CSTF1: variants seen among roughly 807,000 people sequenced by gnomAD.
CSTF1 encodes CF-1 50 kDa subunit.
Under a neutral mutation model 40.9 loss-of-function variants are expected in CSTF1, and 2 were observed. The observed-to-expected ratio is 0.05, with a 90% confidence interval of 0.02 to 0.15. The LOEUF (loss-of-function observed/expected upper bound fraction) is 0.15, where lower values mean the gene tolerates loss of function less well. Among genes scored for constraint, CSTF1 ranks in the 10% least tolerant of loss-of-function variants. The pLI is 1.00. For synonymous variants in CSTF1, 218 were observed against 207.2 expected (o/e 1.05, Z -0.45); for missense variants, 279 against 558.9 (o/e 0.50, Z 5.05).
chr20:56,393,119 T>TAC (rs1194696629), intron 1 of CSTF1, among the ~76,000 whole-genome samples: 1 of 127,852 alleles, frequency 7.8e-6, no homozygotes, highest in African/African-American at 3.1e-5. Context: ...CCACTTAAAA[T>TAC]ATATATATAT....
At position 56,397,664 on chromosome 20, in the gene CSTF1, A is replaced by C; in HGVS notation, c.468A>C (p.Ala156=). The part of the protein sequence containing the change: ...MPIEVMMNET[A]QQNMENHPVI... ...TCTAGGTCATGATGAATGAGACCGC[A>C]CAACAAAATATGGAAAACCACCCAG... Residue 156 remains alanine (A), a synonymous_variant, in exon 4 of 6, where the codon GCA becomes GCC. Transcript: ENST00000217109. This position sits in a 1 kb window ranked among gnomAD's most constrained non-coding sequence, Gnocchi z 4.4. 1 of 1,614,186 alleles carries C rather than the reference A, an allele frequency of 6.2e-7. No homozygotes were observed. Among genetic ancestry groups the C allele is most frequent in the African/African-American group, 1.3e-5 (1 of 75,054 alleles).
chr20:56,397,914 T>TAATA lies in CSTF1; in HGVS notation c.645+75_645+76insTAAA. 1.6e-6 allele frequency: 2 copies of TAATA among 1,217,822 alleles called. No homozygotes were observed. Among genetic ancestry groups the TAATA allele is most frequent in the Non-Finnish European group, 2.4e-6 (2 of 849,530 alleles). The allele number at this position is 1,217,822 out of a possible 1,614,324, so 75.4% of individuals were successfully genotyped here. A position where few individuals can be genotyped will look rare whatever the true frequency, so the allele number is the denominator to read the frequency against. ...AGCTATTGTACAACTATTCTCTTTT[T>TAATA]AAAAGTAGTCTCAGTGATCATCCTG... On this transcript the variant is annotated intron_variant, in intron 4 of 5. Transcript: ENST00000217109. This position sits in a 1 kb window ranked among gnomAD's most constrained non-coding sequence, Gnocchi z 4.4.
chr20:56,395,447 A>T, intron 1 of CSTF1, 74 bp from the exon 2 acceptor site: 1 of 932,874 alleles, frequency 1.1e-6, no homozygotes, highest in Non-Finnish European at 1.6e-6. Flanking sequence ...ATTAAGTCTG[A>T]CCAAAGAGTC....
Position 56,403,839 on chromosome 20 carries a change from T to C in CSTF1, c.*112T>C. ...ATCCTTGACGTTTTGCTGCCACCTCTGTCCACATTCTTCTTGGATTTGTAT... is the reference window on the plus strand; with the variant it reads ...ATCCTTGACGTTTTGCTGCCACCTCCGTCCACATTCTTCTTGGATTTGTAT... On this transcript the variant is annotated 3_prime_UTR_variant, in exon 6 of 6. Transcript: ENST00000217109. The C allele has an allele frequency of 1.9e-6, 2 of 1,036,070 alleles. No individual in the cohort carries two copies. Among genetic ancestry groups the C allele is most frequent in the South Asian group, 1.5e-5 (1 of 64,642 alleles). 64.2% of individuals were successfully genotyped at this position (1,036,070 alleles called of 1,614,324 possible).
Position 56,403,997 on chromosome 20 carries a change from C to G in CSTF1, c.*270C>G. The G allele has an allele frequency of 2.8e-6, 1 of 358,854 alleles. No homozygotes were observed. 22.2% of individuals were successfully genotyped at this position (358,854 alleles called of 1,614,324 possible). A position where few individuals can be genotyped will look rare whatever the true frequency, so the allele number is the denominator to read the frequency against. On this transcript the variant is annotated 3_prime_UTR_variant, in exon 6 of 6. Coordinates refer to ENST00000217109, the MANE Select transcript of CSTF1 (RefSeq NM_001324.3). ...TTTGTAAGTACAGGACTTGCCGTTT[C>G]TTTTGATCTCTTGATTGAAGGAGGA...
Position 56,399,204 on chromosome 20 carries a change from C to A in CSTF1, c.883C>A (p.Arg295=). ...CIKLWDGVSN[R]CITTFEKAHD... is the part of the protein sequence containing the mutation. ...CAAATTATGGGATGGTGTTTCAAAT[C>A]GATGCATCACAACTTTTGAGAAAGC... is the stretch of plus-strand genomic sequence containing the variant. Residue 295 remains arginine, a synonymous_variant, in exon 5 of 6, where the codon CGA becomes AGA. Transcript: ENST00000217109. This position sits in a 1 kb window ranked among gnomAD's most constrained non-coding sequence, Gnocchi z 4.6. 6.2e-7 allele frequency: 1 copy of A among 1,614,184 alleles called. No homozygotes were observed. The highest frequency in any genetic ancestry group is 8.5e-7 in the Non-Finnish European group (1 of 1,180,020).
chr20:56,394,185 G>C (rs771864562), intron 1 of CSTF1, among the ~76,000 whole-genome samples: 6 of 152,220 alleles, frequency 3.9e-5, no homozygotes, highest in Non-Finnish European at 7.3e-5. Flanking sequence ...ATTTTATTCA[G>C]TGAACTGATG....
chr20:56,394,615 G>A (rs1011456591), intron 1 of CSTF1, among the ~76,000 whole-genome samples: 2 of 152,326 alleles, frequency 1.3e-5, no homozygotes, highest in Non-Finnish European at 2.9e-5. Context: ...AGGCTCTGAG[G>A]TCACTTTTAT....
rs1978375340 is a variant in CSTF1, at chr20:56,399,787, C to T, written c.1036+430C>T. Among the ~76,000 whole-genome samples, 1 of 152,140 alleles carries T rather than the reference C, an allele frequency of 6.6e-6. No homozygotes were observed. The highest frequency in any genetic ancestry group is 1.5e-5 in the Non-Finnish European group (1 of 68,026). Reference sequence around the variant, plus strand: ...TTATCCCATTCCTAAGAGAGCAGACCTAGCCCGCAAAGGAAACCACGTTAA... The same window carrying T: ...TTATCCCATTCCTAAGAGAGCAGACTTAGCCCGCAAAGGAAACCACGTTAA... On this transcript the variant is annotated intron_variant, in intron 5 of 5. Coordinates refer to ENST00000217109, the MANE Select transcript of CSTF1 (RefSeq NM_001324.3). This position sits in a 1 kb window ranked among gnomAD's most constrained non-coding sequence, Gnocchi z 4.6.
rs1444011765 is a variant in CSTF1, at chr20:56,404,513, CTCTT to C, written c.*791_*794del. 4.6e-5 allele frequency: 7 copies of C among 152,128 alleles called. 1 individual carries two copies. Among genetic ancestry groups the C allele is most frequent in the Admixed American group, 3.3e-4 (5 of 15,266 alleles). The allele number at this position is 152,128 out of a possible 1,614,324, so 9.4% of individuals were successfully genotyped here. A position where few individuals can be genotyped will look rare whatever the true frequency, so the allele number is the denominator to read the frequency against. On this transcript the variant is annotated 3_prime_UTR_variant, in exon 6 of 6. Coordinates refer to ENST00000217109, the MANE Select transcript of CSTF1 (RefSeq NM_001324.3). The stretch of plus-strand genomic sequence containing the variant: ...TCACGAATGATTAGTATCGATTGAC[CTCTT>C]TCTTAGGTGGTTTTAAGTCTTCAGT...
Position 56,397,848 on chromosome 20 carries a change from A to G in CSTF1, c.645+7A>G, listed in dbSNP as rs770006666. Reference sequence around the variant, plus strand: ...AGCCTTCAAATACATTCAGGTAGGAATCTTTAGAAAGGAGCTTTACATTTT... The same window carrying G: ...AGCCTTCAAATACATTCAGGTAGGAGTCTTTAGAAAGGAGCTTTACATTTT... On this transcript the variant is annotated splice_region_variant and intron_variant, in intron 4 of 5. Coordinates refer to ENST00000217109, the MANE Select transcript of CSTF1 (RefSeq NM_001324.3). The surrounding 1 kb of genome is among the most constrained non-coding windows in gnomAD (Gnocchi z 4.4). The G allele has an allele frequency of 6.3e-7, 1 of 1,596,338 alleles. No homozygotes were observed. The highest frequency in any genetic ancestry group is 8.6e-7 in the Non-Finnish European group (1 of 1,166,158).
At chr20:56,392,815 G>A (rs556346884) in intron 1 of CSTF1, 102 bp downstream of exon 1, 49 of 152,356 alleles carry the variant, frequency 3.2e-4, no homozygotes, top group African/African-American at 1.2e-3. Flanking sequence ...GAGTTAGCAA[G>A]GTGGCATGCG....
chr20:56,400,747 A>G (rs1293488692), intron 5 of CSTF1, among the ~76,000 whole-genome samples: 1 of 152,156 alleles, frequency 6.6e-6, no homozygotes, highest in Non-Finnish European at 1.5e-5. Flanking sequence ...TTTAATAATT[A>G]GTTAGAATTT....
chr20:56,403,384 A>G, intron 5 of CSTF1, 84 bp from the exon 6 acceptor site: 1 of 1,529,528 alleles, frequency 6.5e-7, no homozygotes, highest in Non-Finnish European at 9.0e-7. Flanking sequence ...AACAGGTTTA[A>G]AATGCTTTTA....
chr20:56,394,191 T>C lies in CSTF1; in HGVS notation c.-32-1330T>C, dbSNP rs116480794. Among the ~76,000 whole-genome samples the C allele has an allele frequency of 5.5e-3, 840 of 152,380 alleles. 6 individuals are homozygous for C. Among genetic ancestry groups the C allele is most frequent in the African/African-American group, 0.019 (778 of 41,594 alleles). ...CATTGAATGATTTTATTCAGTGAACTGATGCTTACAAAGTACTTAGCATGA... is the reference window on the plus strand; with the variant it reads ...CATTGAATGATTTTATTCAGTGAACCGATGCTTACAAAGTACTTAGCATGA... On this transcript the variant is annotated intron_variant, in intron 1 of 5. Transcript: ENST00000217109.
Position 56,403,963 on chromosome 20 carries a change from T to C in CSTF1, c.*236T>C, listed in dbSNP as rs1271215922. On this transcript the variant is annotated 3_prime_UTR_variant, in exon 6 of 6. Coordinates refer to ENST00000217109, the MANE Select transcript of CSTF1 (RefSeq NM_001324.3). ...ATTCACTGATTATTACAGTGTGATT[T>C]TCATCGGTTTTGTAAGTACAGGACT... is the stretch of plus-strand genomic sequence containing the variant. 1.3e-5 allele frequency: 6 copies of C among 464,020 alleles called. No individual in the cohort carries two copies. Among genetic ancestry groups the C allele is most frequent in the African/African-American group, 9.6e-5 (5 of 52,156 alleles). The allele number at this position is 464,020 out of a possible 1,614,324, so 28.7% of individuals were successfully genotyped here. A position where few individuals can be genotyped will look rare whatever the true frequency, so the allele number is the denominator to read the frequency against.
Position 56,399,701 on chromosome 20 carries a change from A to T in CSTF1, c.1036+344A>T, listed in dbSNP as rs189617937. On this transcript the variant is annotated intron_variant, in intron 5 of 5. Coordinates refer to ENST00000217109, the MANE Select transcript of CSTF1 (RefSeq NM_001324.3). The surrounding 1 kb of genome is among the most constrained non-coding windows in gnomAD (Gnocchi z 4.6). ...AAAGCAATCCAGAGAAAAGTTTCCA[A>T]TAGTAGATCTCAGTATTATTAATAT... is the stretch of plus-strand genomic sequence containing the variant. Among the ~76,000 whole-genome samples the T allele has an allele frequency of 1.3e-3, 193 of 152,346 alleles. No homozygotes were observed. The highest frequency in any genetic ancestry group is 5.4e-3 in the South Asian group (26 of 4,830).
Position 56,398,953 on chromosome 20 carries a change from C to G in CSTF1, c.646-14C>G, listed in dbSNP as rs79298375. The G allele has an allele frequency of 6.3e-7, 1 of 1,581,704 alleles. No individual in the cohort carries two copies. The highest frequency in any genetic ancestry group is 2.2e-5 in the East Asian group (1 of 44,534). ...ACCAGTTGGTCACTTGTATTAATGT[C>G]TCTGTCCCAACAGGAAGCTGAAATG... On this transcript the variant is annotated splice_polypyrimidine_tract_variant and intron_variant, in intron 4 of 5. Coordinates refer to ENST00000217109, the MANE Select transcript of CSTF1 (RefSeq NM_001324.3).
intron 2 of CSTF1, 148 bp downstream of exon 2, chr20:56,395,869 G>C (rs1023260984): frequency 2.5e-6 from 2 of 790,390 alleles, no homozygotes; most frequent in African/African-American, 3.5e-5. Context: ...ATGAGTTCAG[G>C]AAGTAGCTCA....
Sources: allele counts gnomAD v4.1 joint callset (sites outside exome capture counted in the v4.1 genomes callset), GRCh38; gene constraint gnomAD v4.1.1; non-coding constraint Gnocchi (gnomAD v3.1); transcripts MANE v1.5; gene names NCBI Gene and HGNC (gene_info 2026-07-23, HGNC 2026-07-21).